The following TMEM135 variants were observed in gnomAD, a reference collection of about 807,000 sequenced individuals.
TMEM135 encodes peroxisomal membrane protein 52.
A neutral mutation model predicts 60.3 loss-of-function variants in TMEM135; 30 were observed. That is an observed-to-expected ratio of 0.50 (90% confidence interval 0.37 to 0.68). The LOEUF is 0.68. Ranked by LOEUF, TMEM135 falls within the 30% of genes least tolerant of loss-of-function variation. The probability of loss-of-function intolerance (pLI) is 0.00; values close to 1 mark genes in which losing one functional copy is unlikely to be tolerated. For missense variants in TMEM135, 468 were observed against 548.8 expected (o/e 0.85, Z 1.47); for synonymous variants, 190 against 186.7 (o/e 1.02, Z -0.14).
intron 6 of TMEM135, among the ~76,000 whole-genome samples, chr11:87,290,708 A>G (rs1942248067): frequency 6.6e-6 from 1 of 152,116 alleles, no homozygotes; most frequent in Non-Finnish European, 1.5e-5. Context: ...CTCTACAGTT[A>G]TTTGTGTATT....
At chr11:87,131,381 C>T (rs796316251) in intron 4 of TMEM135, among the ~76,000 whole-genome samples, 6 of 106,596 alleles carry the variant, frequency 5.6e-5, no homozygotes, top group African/African-American at 2.0e-4. Flanking sequence ...ATGGTTTTGC[C>T]TTTTTCAGAA....
chr11:87,200,257 A>G (rs1279460049), intron 5 of TMEM135, among the ~76,000 whole-genome samples: 1 of 152,150 alleles, frequency 6.6e-6, no homozygotes, highest in Non-Finnish European at 1.5e-5. Context: ...CAGGTTTTAG[A>G]CTCTTCTAAA....
chr11:87,269,979 T>C (rs959840359), intron 6 of TMEM135, among the ~76,000 whole-genome samples: 3 of 124,250 alleles, frequency 2.4e-5, no homozygotes, highest in African/African-American at 5.6e-5. Context: ...AAAGTGTTCC[T>C]GTTTCTCCAC....
intron 5 of TMEM135, among the ~76,000 whole-genome samples, chr11:87,224,341 T>A (rs1434616554): frequency 1.3e-5 from 2 of 152,252 alleles, no homozygotes; most frequent in Admixed American, 1.3e-4. Flanking sequence ...GTGAGTGCTA[T>A]CTTATTGGCC....
chr11:87,114,148 T>C (rs1227919892), intron 4 of TMEM135, among the ~76,000 whole-genome samples: 1 of 152,006 alleles, frequency 6.6e-6, no homozygotes, highest in Non-Finnish European at 1.5e-5. Flanking sequence ...TAGTCTCTCT[T>C]GAAGGAAAAT....
chr11:87,130,357 T>C (rs1459749176), intron 4 of TMEM135, among the ~76,000 whole-genome samples: 5 of 152,164 alleles, frequency 3.3e-5, no homozygotes, highest in African/African-American at 1.2e-4. Context: ...TAAAATTTCA[T>C]CTTTCTACTG....
At chr11:87,139,178 T>G (rs533184396) in intron 4 of TMEM135, among the ~76,000 whole-genome samples, 1 of 152,346 alleles carries the variant, frequency 6.6e-6, no homozygotes, top group African/African-American at 2.4e-5. Context: ...TAAAAAATTT[T>G]TCATTAATGT....
intron 1 of TMEM135, among the ~76,000 whole-genome samples, chr11:87,043,031 C>T (rs1410714355): frequency 6.8e-6 from 1 of 147,912 alleles, no homozygotes; most frequent in Non-Finnish European, 1.5e-5. Context: ...TCTCGGCTCA[C>T]TACAACCTCC....
intron 4 of TMEM135, among the ~76,000 whole-genome samples, chr11:87,117,635 C>G (rs1476887979): frequency 3.3e-5 from 5 of 152,172 alleles, no homozygotes; most frequent in African/African-American, 1.2e-4. Flanking sequence ...GTCACATCTT[C>G]CAGCTTCATT....
intron 5 of TMEM135, among the ~76,000 whole-genome samples, chr11:87,232,065 C>G (rs1265234012): frequency 1.3e-5 from 2 of 151,486 alleles, no homozygotes; most frequent in Admixed American, 6.6e-5. Context: ...ATTGTCATGT[C>G]TCAGTCTCCC....
intron 6 of TMEM135, among the ~76,000 whole-genome samples, chr11:87,247,554 C>G (rs1468660324): frequency 6.6e-6 from 1 of 152,154 alleles, no homozygotes; most frequent in African/African-American, 2.4e-5. Flanking sequence ...CAAGCCTGGG[C>G]AATGGCAGGC....
At chr11:87,226,129 G>A (rs1301493301) in intron 5 of TMEM135, among the ~76,000 whole-genome samples, 2 of 152,098 alleles carry the variant, frequency 1.3e-5, no homozygotes, top group Non-Finnish European at 2.9e-5. Flanking sequence ...CCATAAAATA[G>A]AGGAACCATG....
rs142839283 is a variant in TMEM135, at chr11:87,055,255, G to C, written c.142-12439G>C. 2.0e-5 allele frequency among the ~76,000 whole-genome samples: 3 copies of C among 152,066 alleles called. No homozygotes were observed. In the South Asian group the frequency reaches 6.2e-4, roughly 31 times the overall value. ...TATGGCACAAAAAACAAATTTTAAC[G>C]TGACAAATCAAGAGAAATAAGAAGC... is the stretch of plus-strand genomic sequence containing the variant. On this transcript the variant is annotated intron_variant, in intron 1 of 14. Coordinates refer to ENST00000305494, the MANE Select transcript of TMEM135 (RefSeq NM_022918.4).
At chr11:87,235,710 A>T (rs946295116) in intron 5 of TMEM135, among the ~76,000 whole-genome samples, 4 of 151,978 alleles carry the variant, frequency 2.6e-5, no homozygotes, top group African/African-American at 9.7e-5. Context: ...ATAAGAATGC[A>T]TTCTACAATT....
chr11:87,101,471 C>T (rs1263736362), intron 4 of TMEM135, among the ~76,000 whole-genome samples: 3 of 152,142 alleles, frequency 2.0e-5, no homozygotes, highest in African/African-American at 2.4e-5. Context: ...AAATTTAAGA[C>T]ATTTAAAAAT....
chr11:87,168,610 C>T (rs545562313), intron 5 of TMEM135, among the ~76,000 whole-genome samples: 22 of 152,214 alleles, frequency 1.4e-4, no homozygotes, highest in South Asian at 6.2e-4. Context: ...CTTAGTTGTG[C>T]GGTTTTAAGG....
intron 4 of TMEM135, among the ~76,000 whole-genome samples, chr11:87,100,952 A>G (rs1376602781): frequency 3.3e-5 from 5 of 152,240 alleles, no homozygotes. Flanking sequence ...AGCCTTAACG[A>G]TTAACTAGCA....
At chr11:87,221,010 A>G (rs549084463) in intron 5 of TMEM135, among the ~76,000 whole-genome samples, 1 of 151,888 alleles carries the variant, frequency 6.6e-6, no homozygotes, top group South Asian at 2.1e-4. Flanking sequence ...TATTGCTACT[A>G]AAAAAAAGAC....
chr11:87,214,920 C>T (rs770091547), intron 5 of TMEM135, among the ~76,000 whole-genome samples: 1 of 152,068 alleles, frequency 6.6e-6, no homozygotes, highest in Non-Finnish European at 1.5e-5. Context: ...TTTTATTTAA[C>T]ACTGATGGAA....
Sources: allele counts gnomAD v4.1 joint callset (sites outside exome capture counted in the v4.1 genomes callset), GRCh38; gene constraint gnomAD v4.1.1; transcripts MANE v1.5; gene names NCBI Gene and HGNC (gene_info 2026-07-23, HGNC 2026-07-21).